PRKG1: variants seen among roughly 807,000 people sequenced by gnomAD.
PRKG1 encodes the protein cGMP-dependent protein kinase 1.
In PRKG1, 35 loss-of-function variants were observed where a neutral mutation model predicts 88.1. The ratio of observed to expected loss-of-function variants is 0.40; its 90% CI spans 0.30 to 0.53. The LOEUF (loss-of-function observed/expected upper bound fraction) is 0.53. PRKG1 is among the 20% of genes least tolerant of loss of function. PRKG1 has a pLI of 0.59. For synonymous variants in PRKG1, 303 were observed against 292.5 expected (o/e 1.04, Z -0.37); for missense variants, 540 against 839.8 (o/e 0.64, Z 4.41).
chr10:52,154,325 C>G (rs1838026593), intron 8 of PRKG1, among the ~76,000 whole-genome samples: 1 of 152,132 alleles, frequency 6.6e-6, no homozygotes, highest in Non-Finnish European at 1.5e-5. Flanking sequence ...AATCTGTACC[C>G]TGTTCAAAAA....
chr10:52,205,491 C>A (rs1839795445), intron 9 of PRKG1, among the ~76,000 whole-genome samples: 1 of 152,004 alleles, frequency 6.6e-6, no homozygotes, highest in Non-Finnish European at 1.5e-5. Flanking sequence ...GGGTGAGTTC[C>A]CCCAGTAATA....
intron 3 of PRKG1, among the ~76,000 whole-genome samples, chr10:51,531,887 C>T (rs879418851): frequency 6.6e-6 from 1 of 151,958 alleles, no homozygotes; most frequent in African/African-American, 2.4e-5. Flanking sequence ...TCGTGATTTG[C>T]CCGCCTTGGC....
intron 2 of PRKG1, among the ~76,000 whole-genome samples, chr10:51,376,954 G>A (rs992198624): frequency 2.8e-4 from 43 of 152,282 alleles, no homozygotes; most frequent in Non-Finnish European, 3.5e-4. Context: ...TGGGAGTACA[G>A]TCGTGAGCCA....
chr10:51,638,912 G>T (rs183140803), intron 3 of PRKG1, among the ~76,000 whole-genome samples: 491 of 152,238 alleles, frequency 3.2e-3, no homozygotes, highest in African/African-American at 0.011. Context: ...GGCCCATAGG[G>T]ACAGACAAGG....
At chr10:51,760,083 G>C (rs764485075) in intron 3 of PRKG1, among the ~76,000 whole-genome samples, 3 of 152,174 alleles carry the variant, frequency 2.0e-5, no homozygotes, top group African/African-American at 7.2e-5. Context: ...AGGCACTGCA[G>C]AGCACAGTCT....
At chr10:51,376,156 C>T (rs1434407972) in intron 2 of PRKG1, among the ~76,000 whole-genome samples, 1 of 152,186 alleles carries the variant, frequency 6.6e-6, no homozygotes, top group Non-Finnish European at 1.5e-5. Context: ...CCAGCTGCAG[C>T]AAATGCTACT....
chr10:51,709,839 G>C (rs769632760), intron 3 of PRKG1, among the ~76,000 whole-genome samples: 2 of 152,158 alleles, frequency 1.3e-5, no homozygotes, highest in Non-Finnish European at 2.9e-5. Flanking sequence ...TCTGCAAATG[G>C]GGAGGCAGAG....
chr10:51,050,968 C>T (rs1843553455), intron 1 of PRKG1, among the ~76,000 whole-genome samples: 1 of 151,926 alleles, frequency 6.6e-6, no homozygotes, highest in Non-Finnish European at 1.5e-5. Context: ...AATGTCTCTT[C>T]AAGTCCTTTG....
At chr10:51,640,589 T>A (rs1839774302) in intron 3 of PRKG1, among the ~76,000 whole-genome samples, 1 of 152,166 alleles carries the variant, frequency 6.6e-6, no homozygotes, top group Non-Finnish European at 1.5e-5. Flanking sequence ...TTATTTTTTC[T>A]TGTTAAAGAG....
At chr10:51,198,219 T>C (rs1287993021) in intron 2 of PRKG1, among the ~76,000 whole-genome samples, 1 of 152,152 alleles carries the variant, frequency 6.6e-6, no homozygotes, top group Non-Finnish European at 1.5e-5. Flanking sequence ...TTTCTTAGAC[T>C]CAACTGGAGT....
At chr10:51,202,010 A>G (rs1837925102) in intron 2 of PRKG1, among the ~76,000 whole-genome samples, 1 of 152,110 alleles carries the variant, frequency 6.6e-6, no homozygotes, top group Non-Finnish European at 1.5e-5. Context: ...CTGAACATCT[A>G]CTGTTTTCTG....
intron 5 of PRKG1, among the ~76,000 whole-genome samples, chr10:52,034,762 GA>G (rs1444205608): frequency 1.3e-5 from 2 of 152,050 alleles, no homozygotes; most frequent in Admixed American, 1.3e-4. Flanking sequence ...CTAGACAGAA[GA>G]TAGTAGGGAT....
intron 3 of PRKG1, among the ~76,000 whole-genome samples, chr10:51,567,539 G>A (rs181673772): frequency 1.1e-3 from 170 of 152,154 alleles, no homozygotes; most frequent in Non-Finnish European, 1.7e-3. Context: ...TTACATTACA[G>A]GATTCAGCCA....
intron 9 of PRKG1, among the ~76,000 whole-genome samples, chr10:52,217,105 G>A (rs1232795483): frequency 2.0e-5 from 3 of 152,076 alleles, no homozygotes; most frequent in African/African-American, 4.8e-5. Flanking sequence ...GTCATGGAAG[G>A]GTGGTTAAGT....
At chr10:51,324,869 A>C (rs1841549164) in intron 2 of PRKG1, among the ~76,000 whole-genome samples, 1 of 152,240 alleles carries the variant, frequency 6.6e-6, no homozygotes, top group African/African-American at 2.4e-5. Context: ...GAGTGCAGAT[A>C]TCACGTTCAT....
intron 7 of PRKG1, among the ~76,000 whole-genome samples, chr10:52,112,119 A>T (rs527374444): frequency 6.6e-6 from 1 of 152,286 alleles, no homozygotes; most frequent in African/African-American, 2.4e-5. Context: ...TATTTAGAAT[A>T]ATCTTCCTTC....
chr10:51,379,732 G>A (rs1443848975), intron 2 of PRKG1, among the ~76,000 whole-genome samples: 2 of 152,218 alleles, frequency 1.3e-5, no homozygotes, highest in Admixed American at 6.5e-5. Flanking sequence ...TAACTGAAGA[G>A]TTGAGAGAGT....
At chr10:51,605,526 G>A (rs1838741072) in intron 3 of PRKG1, among the ~76,000 whole-genome samples, 2 of 152,142 alleles carry the variant, frequency 1.3e-5, no homozygotes, top group Admixed American at 1.3e-4. Flanking sequence ...TGAATAGGAG[G>A]CAGAGAAACA....
chr10:51,653,833 G>T (rs1256544766), intron 3 of PRKG1, among the ~76,000 whole-genome samples: 1 of 152,162 alleles, frequency 6.6e-6, no homozygotes, highest in African/African-American at 2.4e-5. Context: ...ATCCGAAAGT[G>T]CTAGGATTAC....
Sources: allele counts gnomAD v4.1 joint callset (sites outside exome capture counted in the v4.1 genomes callset), GRCh38; gene constraint gnomAD v4.1.1; transcripts MANE v1.5; gene names NCBI Gene and HGNC (gene_info 2026-07-23, HGNC 2026-07-21).